MED27: variants seen among roughly 807,000 people sequenced by gnomAD.
The protein encoded by MED27 is mediator complex subunit 27.
MED27 carries 30 observed loss-of-function variants against 38.2 expected under a neutral mutation model. The ratio of observed to expected loss-of-function variants is 0.79; its 90% CI spans 0.59 to 1.07. MED27 has a LOEUF of 1.07. MED27 is among the 50% of genes least tolerant of loss of function. MED27 has a pLI of 0.00. For missense variants in MED27, 289 were observed against 397.5 expected, an observed-to-expected ratio of 0.73 and a Z score of 2.32; for synonymous variants, 122 against 153.5, an observed-to-expected ratio of 0.79 and a Z score of 1.52.
chr9:132,045,445 CACACACACAG>C (rs956361382), intron 2 of MED27, among the ~76,000 whole-genome samples: 4 of 149,942 alleles, frequency 2.7e-5, no homozygotes, highest in African/African-American at 1.0e-4. Context: ...CACACACACA[CACACACACAG>C]ACACACACCT....
At chr9:131,897,744 G>A (rs962653397) in intron 4 of MED27, among the ~76,000 whole-genome samples, 1 of 152,194 alleles carries the variant, frequency 6.6e-6, no homozygotes, top group African/African-American at 2.4e-5. Context: ...TCGTGTATAT[G>A]TTTTTAAATC....
At chr9:132,012,283 C>A (rs1041737245) in intron 3 of MED27, among the ~76,000 whole-genome samples, 1 of 152,206 alleles carries the variant, frequency 6.6e-6, no homozygotes, top group Non-Finnish European at 1.5e-5. Context: ...ATCACCAAAT[C>A]GACACATGAG....
chr9:132,015,043 T>C (rs4363310), intron 2 of MED27, among the ~76,000 whole-genome samples: 83,683 of 152,038 alleles, frequency 0.55, 25,765 homozygotes, highest in Non-Finnish European at 0.68. Flanking sequence ...ATAAAAACCA[T>C]AGAATTTGTA....
chr9:131,995,034 T>C (rs192019860), intron 3 of MED27, among the ~76,000 whole-genome samples: 15 of 152,048 alleles, frequency 9.9e-5, no homozygotes, highest in Admixed American at 9.2e-4. Context: ...GCAGTGCCCT[T>C]TATATGGGAA....
chr9:132,026,108 T>C (rs914386455), intron 2 of MED27, among the ~76,000 whole-genome samples: 4 of 152,020 alleles, frequency 2.6e-5, no homozygotes, highest in African/African-American at 9.7e-5. Context: ...ACTCAAACTT[T>C]CCCAAATCTG....
chr9:131,869,312 A>C lies in MED27; in HGVS notation c.724-6172T>G, dbSNP rs990511850. 12 of 981,444 alleles carry C rather than the reference A, an allele frequency of 1.2e-5. No homozygotes were observed. In the African/African-American group the frequency reaches 2.0e-4, roughly 16 times the overall value. 60.8% of individuals were successfully genotyped at this position (981,444 alleles called of 1,614,324 possible). Reference sequence around the variant, plus strand: ...CTTGTCAAAGCACTCCACCTTCAATATTTTTTTGTTTTACATTTTTCAACA... The same window carrying C: ...CTTGTCAAAGCACTCCACCTTCAATCTTTTTTTGTTTTACATTTTTCAACA... On this transcript the variant is annotated intron_variant, in intron 6 of 7. Coordinates refer to ENST00000292035, the MANE Select transcript of MED27 (RefSeq NM_004269.4).
At chr9:131,909,826 A>G (rs1449384791) in intron 4 of MED27, among the ~76,000 whole-genome samples, 1 of 152,240 alleles carries the variant, frequency 6.6e-6, no homozygotes, top group Non-Finnish European at 1.5e-5. Context: ...TAGATACATG[A>G]GGTAGTTAGA....
At chr9:132,031,398 T>C (rs1832957068) in intron 2 of MED27, among the ~76,000 whole-genome samples, 1 of 152,190 alleles carries the variant, frequency 6.6e-6, no homozygotes, top group African/African-American at 2.4e-5. Flanking sequence ...AAGATGGTGG[T>C]CTATAAAAGT....
At chr9:131,915,726 G>C (rs916396054) in intron 4 of MED27, among the ~76,000 whole-genome samples, 2 of 152,152 alleles carry the variant, frequency 1.3e-5, no homozygotes, top group Non-Finnish European at 2.9e-5. Flanking sequence ...AATGCTATCT[G>C]AATTAAATAG....
intron 5 of MED27, among the ~76,000 whole-genome samples, chr9:131,885,616 C>T (rs1839126207): frequency 6.6e-6 from 1 of 152,180 alleles, no homozygotes; most frequent in Non-Finnish European, 1.5e-5. Context: ...CCTCTGGTCA[C>T]ACTTGGTCAC....
intron 4 of MED27, among the ~76,000 whole-genome samples, chr9:131,915,534 A>G (rs1830273946): frequency 6.6e-6 from 1 of 152,244 alleles, no homozygotes; most frequent in African/African-American, 2.4e-5. Flanking sequence ...GATTATTTAC[A>G]AAGGATTTTT....
At chr9:131,975,883 C>T (rs1411404610) in intron 3 of MED27, among the ~76,000 whole-genome samples, 5 of 152,302 alleles carry the variant, frequency 3.3e-5, no homozygotes, top group African/African-American at 1.2e-4. Context: ...TGCCAGCTCT[C>T]CAAGGGAGAG....
chr9:132,009,947 T>C (rs906051823), intron 3 of MED27, among the ~76,000 whole-genome samples: 3 of 152,338 alleles, frequency 2.0e-5, no homozygotes, highest in Non-Finnish European at 2.9e-5. Flanking sequence ...TTTGAGTTCT[T>C]TGTAGATTCT....
Position 132,003,433 on chromosome 9 carries a change from G to A in MED27, c.479+10904C>T, listed in dbSNP as rs9411426. Among the ~76,000 whole-genome samples, 83,230 of 151,992 alleles carry A rather than the reference G, an allele frequency of 0.55. 25,618 individuals carry two copies. The highest frequency in any genetic ancestry group is 0.68 in the Non-Finnish European group (46,012 of 67,970). ...TCACGATGGGTCTGAGACAAACCCA[G>A]GTCAGGTTAGCTGAGAGTGAGGCCA... is the stretch of plus-strand genomic sequence containing the variant. On this transcript the variant is annotated intron_variant, in intron 3 of 7. Transcript: ENST00000292035. This position sits in a 1 kb window ranked among gnomAD's most constrained non-coding sequence, Gnocchi z 4.2.
intron 4 of MED27, among the ~76,000 whole-genome samples, chr9:131,919,363 G>A (rs4305947): frequency 0.47 from 71,882 of 151,840 alleles, 17,511 homozygotes; most frequent in Middle Eastern, 0.58. Flanking sequence ...CTACAGGGAG[G>A]TTGGAGACTC....
At chr9:131,877,469 G>A (rs910933229) in intron 6 of MED27, among the ~76,000 whole-genome samples, 2 of 152,096 alleles carry the variant, frequency 1.3e-5, no homozygotes, top group South Asian at 2.1e-4. Context: ...TCAGCTACTC[G>A]AGAGGCTGAG....
At chr9:132,020,854 G>C (rs1434496387) in intron 2 of MED27, among the ~76,000 whole-genome samples, 1 of 152,022 alleles carries the variant, frequency 6.6e-6, no homozygotes, top group Non-Finnish European at 1.5e-5. Flanking sequence ...ATAGCCAATA[G>C]TTTAGAAAAA....
At chr9:131,919,158 G>A (rs1028350026) in intron 4 of MED27, among the ~76,000 whole-genome samples, 8 of 152,172 alleles carry the variant, frequency 5.3e-5, no homozygotes, top group Non-Finnish European at 7.3e-5. Flanking sequence ...CTAGGTTTTA[G>A]ACAGAATGCC....
At chr9:132,040,178 C>T (rs557840935) in intron 2 of MED27, among the ~76,000 whole-genome samples, 2 of 152,344 alleles carry the variant, frequency 1.3e-5, no homozygotes, top group East Asian at 1.9e-4. Flanking sequence ...CAGCATCAGT[C>T]CCCGCATATG....
Sources: allele counts gnomAD v4.1 joint callset (sites outside exome capture counted in the v4.1 genomes callset), GRCh38; gene constraint gnomAD v4.1.1; non-coding constraint Gnocchi (gnomAD v3.1); transcripts MANE v1.5; gene names NCBI Gene and HGNC (gene_info 2026-07-23, HGNC 2026-07-21).